Variants in EHMT2 observed in about 807,000 individuals in gnomAD.
EHMT2 encodes histone-lysine N-methyltransferase EHMT2.
In EHMT2, 59 loss-of-function variants were observed where a neutral mutation model predicts 143.3. The ratio of observed to expected loss-of-function variants is 0.41; its 90% CI spans 0.33 to 0.51. The LOEUF is 0.51. Among genes scored for constraint, EHMT2 ranks in the 20% least tolerant of loss-of-function variants. The probability of loss-of-function intolerance (pLI) is 0.18; values close to 1 mark genes in which losing one functional copy is unlikely to be tolerated. For missense variants in EHMT2, 1,174 were observed against 1,645.9 expected (o/e 0.71, Z 4.96); for synonymous variants, 604 against 651.5 (o/e 0.93, Z 1.11).
At chr6:31,886,407 A>G (rs1021455824) in intron 18 of EHMT2, 174 bp downstream of exon 18, 1 of 615,864 alleles carries the variant, frequency 1.6e-6, no homozygotes, top group Non-Finnish European at 2.8e-6. Flanking sequence ...GATAAAGAGA[A>G]AGAAACGAGA....
intron 4 of EHMT2, chr6:31,893,291 C>A: frequency 2.2e-6 from 1 of 452,074 alleles, no homozygotes; most frequent in South Asian, 1.9e-5. Flanking sequence ...CATTTATACA[C>A]AATGGAATAA....
chr6:31,884,817 G>A lies in EHMT2; in HGVS notation c.2449-18C>T. 1 of 1,589,220 alleles carries A rather than the reference G, an allele frequency of 6.3e-7. No homozygotes were observed. ...TTCTCCTCCTGTGGAGGTAGGAGGG[G>A]AACAGATGAGGTGCAGGCAGCTGGG... On this transcript the variant is annotated intron_variant, in intron 19 of 27. Transcript: ENST00000375537. The surrounding 1 kb of genome is among the most constrained non-coding windows in gnomAD (Gnocchi z 7.3).
Position 31,888,823 on chromosome 6 carries a change from C to A in EHMT2, c.1217-76G>T, listed in dbSNP as rs57393998. ...GGGACCCCTGGCGGGTCCTCTCACTCCCTCCCTACCCCACCCCGCCATGCC... is the reference window on the plus strand; with the variant it reads ...GGGACCCCTGGCGGGTCCTCTCACTACCTCCCTACCCCACCCCGCCATGCC... On this transcript the variant is annotated intron_variant, in intron 10 of 27. Coordinates refer to ENST00000375537, the Ensembl canonical transcript of EHMT2. The surrounding 1 kb of genome is among the most constrained non-coding windows in gnomAD (Gnocchi z 7.4). 0.035 allele frequency: 54,360 copies of A among 1,554,136 alleles called. 1,722 individuals carry two copies. The highest frequency in any genetic ancestry group is 0.15 in the African/African-American group (11,338 of 73,864).
chr6:31,887,947 CCT>C lies in EHMT2; in HGVS notation c.1758_1759del (p.Gly587AlafsTer14). 1 of 1,596,464 alleles carries C rather than the reference CCT, an allele frequency of 6.3e-7. No individual in the cohort carries two copies. The highest frequency in any genetic ancestry group is 8.5e-7 in the Non-Finnish European group (1 of 1,170,320). On this transcript the variant is annotated frameshift_variant, in exon 14 of 28. Coordinates refer to ENST00000375537, the Ensembl canonical transcript of EHMT2. LOFTEE classifies it high-confidence loss of function. ...GGGCGGGCGCCGGGGTTCCCCATGC[CCT>C]CGCATCCGGGCACTGTGGAAGAAGG...
At chr6:31,882,629 G>C (rs1478081898) in intron 25 of EHMT2, 70 bp downstream of exon 25, 1 of 1,446,300 alleles carries the variant, frequency 6.9e-7, no homozygotes, top group Non-Finnish European at 9.6e-7. Context: ...GGCTGAGAGG[G>C]AGGCCTGGCA....
chr6:31,882,781 G>A (rs891408568), exon 25 of EHMT2: 3 of 1,611,946 alleles, frequency 1.9e-6, no homozygotes, highest in Non-Finnish European at 1.7e-6. Flanking sequence ...AGCTGTAGCC[G>A]CACCCTGGGG....
rs1366199026 is a variant in EHMT2 at position 31,889,731 on chromosome 6, C to T, written c.865-129G>A. Reference sequence around the variant, plus strand: ...GGCTGCTGGGGATAAGTGTGGGTAGCAGAGGAGACAAAGGGCCACATAAAG... The same window carrying T: ...GGCTGCTGGGGATAAGTGTGGGTAGTAGAGGAGACAAAGGGCCACATAAAG... On this transcript the variant is annotated intron_variant, in intron 7 of 27. Transcript: ENST00000375537. The surrounding 1 kb of genome is among the most constrained non-coding windows in gnomAD (Gnocchi z 5.1). 30 of 1,176,924 alleles carry T rather than the reference C, an allele frequency of 2.5e-5. No individual in the cohort carries two copies. Among genetic ancestry groups the T allele is most frequent in the Middle Eastern group, 2.1e-4 (1 of 4,820 alleles). 72.9% of individuals were successfully genotyped at this position (1,176,924 alleles called of 1,614,324 possible).
intron 18 of EHMT2, chr6:31,885,310 T>C: frequency 7.3e-6 from 2 of 274,528 alleles, no homozygotes; most frequent in Non-Finnish European, 1.4e-5. Flanking sequence ...ACCCTGTCTC[T>C]ACTAAAAAAT....
exon 18 of EHMT2, chr6:31,886,590 G>C: frequency 3.1e-6 from 5 of 1,612,292 alleles, no homozygotes; most frequent in Non-Finnish European, 4.2e-6. Context: ...CCTGGGCGTT[G>C]ACGTCCACCT....
At chr6:31,895,245 A>C (rs1297451101) in intron 4 of EHMT2, among the ~76,000 whole-genome samples, 2 of 152,190 alleles carry the variant, frequency 1.3e-5, no homozygotes, top group Non-Finnish European at 2.9e-5. Flanking sequence ...CATTATCTTC[A>C]TGTGCCTAAT....
At chr6:31,887,001 C>T (rs1213079131) in exon 16 of EHMT2, 1 of 1,613,754 alleles carries the variant, frequency 6.2e-7, no homozygotes, top group African/African-American at 1.3e-5. Flanking sequence ...TGACCTGCAG[C>T]AGCACATGGC....
intron 4 of EHMT2, 171 bp from the exon 5 acceptor site, chr6:31,893,081 T>C: frequency 1.7e-6 from 1 of 581,460 alleles, no homozygotes; most frequent in Non-Finnish European, 3.0e-6. Context: ...AGAGGAAGAG[T>C]GTCAAGCACA....
At position 31,883,905 on chromosome 6, in the gene EHMT2, G is replaced by A. The variant is rs767310729; in HGVS notation, c.2817C>T (p.Asn939=). Residue 939 remains asparagine, a synonymous_variant, in exon 22 of 28, where the codon AAC becomes AAT. Transcript: ENST00000375537. The surrounding 1 kb of genome is among the most constrained non-coding windows in gnomAD (Gnocchi z 5.6). Reference sequence around the variant, plus strand: ...CAGGGCAGGGCTCCCCATCCACACCGTTGACACAGGGAATGGGCACGTTCT... The same window carrying A: ...CAGGGCAGGGCTCCCCATCCACACCATTGACACAGGGAATGGGCACGTTCT... 1.9e-5 allele frequency: 30 copies of A among 1,613,852 alleles called. No homozygotes were observed. Among genetic ancestry groups the A allele is most frequent in the African/African-American group, 9.4e-5 (7 of 74,850 alleles).
In EHMT2 at chr6:31,880,361, C is replaced by A; in HGVS notation, c.3453-97G>T. On this transcript the variant is annotated intron_variant, in intron 27 of 27. Transcript: ENST00000375537. The surrounding 1 kb of genome is among the most constrained non-coding windows in gnomAD (Gnocchi z 6.6). ...ATCCTGCTCCCTGAGAGGGACCCGA[C>A]ACCCAACCTATCTTCTCCAGATGGG... is the stretch of plus-strand genomic sequence containing the variant. The A allele has an allele frequency of 7.3e-7, 1 of 1,369,030 alleles. No individual in the cohort carries two copies. The highest frequency in any genetic ancestry group is 1.0e-6 in the Non-Finnish European group (1 of 998,330). 84.8% of individuals were successfully genotyped at this position (1,369,030 alleles called of 1,614,324 possible). A position where few individuals can be genotyped will look rare whatever the true frequency, so the allele number is the denominator to read the frequency against.
Position 31,888,359 on chromosome 6 carries a change from T to G in EHMT2, c.1509+4A>C, listed in dbSNP as rs761561209. ...GCTACCTGTCTGCCCCACTGGTCAC[T>G]CACCGCCGTGCAGAAGTAGCCGCAG... On this transcript the variant is annotated splice_donor_region_variant and intron_variant, in intron 12 of 27. Coordinates refer to ENST00000375537, the Ensembl canonical transcript of EHMT2. This position sits in a 1 kb window ranked among gnomAD's most constrained non-coding sequence, Gnocchi z 7.4. The G allele has an allele frequency of 4.3e-6, 7 of 1,612,372 alleles. No homozygotes were observed. The African/African-American group carries it at 5.3e-5, about 12-fold the overall frequency.
At chr6:31,887,503 C>T (rs747983111) in intron 15 of EHMT2, 74 bp downstream of exon 15, 13 of 1,363,830 alleles carry the variant, frequency 9.5e-6, no homozygotes, top group Non-Finnish European at 1.3e-5. Flanking sequence ...GACTGTACTC[C>T]TGGCCCTGTA....
intron 7 of EHMT2, among the ~76,000 whole-genome samples, chr6:31,891,865 G>A (rs775251062): frequency 8.6e-5 from 13 of 151,746 alleles, no homozygotes; most frequent in Non-Finnish European, 1.5e-4. Context: ...CATTTCATTA[G>A]CTGATTAAAA....
intron 4 of EHMT2, chr6:31,896,055 C>A: frequency 1.7e-6 from 1 of 590,304 alleles, no homozygotes; most frequent in Non-Finnish European, 2.8e-6. Context: ...TCTTTAACAT[C>A]AAACTTTCAC....
chr6:31,882,639 A>C, intron 25 of EHMT2, 60 bp downstream of exon 25: 1 of 1,502,346 alleles, frequency 6.7e-7, no homozygotes, highest in Non-Finnish European at 9.2e-7. Context: ...GAGGCCTGGC[A>C]GTCAGCAGTG....
Sources: gnomAD v4.1 joint callset for allele counts (sites outside exome capture counted in the v4.1 genomes callset) on GRCh38, gnomAD v4.1.1 for gene constraint, Gnocchi (gnomAD v3.1) non-coding constraint, MANE v1.5 for transcripts, NCBI Gene and HGNC (gene_info 2026-07-23, HGNC 2026-07-21) for gene names.